Variants in TERF2 observed in about 807,000 individuals in gnomAD.
The protein encoded by TERF2 is telomeric repeat binding factor 2, also known as telomeric repeat-binding factor 2.
In TERF2, 16 loss-of-function variants were observed where a neutral mutation model predicts 56.1. That is an observed-to-expected ratio of 0.29 (90% CI 0.19 to 0.43). TERF2 has a LOEUF of 0.43. Among genes scored for constraint, TERF2 ranks in the 20% least tolerant of loss-of-function variants. TERF2 has a pLI of 1.00. For missense variants in TERF2, 547 were observed against 712.9 expected, an observed-to-expected ratio of 0.77 and a Z score of 2.65; for synonymous variants, 296 against 282.1, an observed-to-expected ratio of 1.05 and a Z score of -0.50.
chr16:69,383,355 T>TAGAA (rs1325210714), intron 3 of TERF2, among the ~76,000 whole-genome samples: 1 of 152,238 alleles, frequency 6.6e-6, no homozygotes, highest in Non-Finnish European at 1.5e-5. Context: ...AAAATGCTTC[T>TAGAA]GTTCCCAAGT....
intron 8 of TERF2, 90 bp downstream of exon 8, chr16:69,361,314 C>A: frequency 1.1e-6 from 1 of 904,020 alleles, no homozygotes; most frequent in South Asian, 1.4e-5. Flanking sequence ...AGTTCGGAGA[C>A]AAGCAGCTTC....
Position 69,370,486 on chromosome 16 carries a change from G to A in TERF2, c.837C>T (p.Leu279=). Residue 279 remains leucine (L), a synonymous_variant, in exon 5 of 10, where the codon CTC becomes CTT. Coordinates refer to ENST00000254942, the MANE Select transcript of TERF2 (RefSeq NM_005652.5). The part of the protein sequence containing the change: ...SHLDDAEPYL[L]TMAKKALKSE... ...TGGGAGAAGGGCCAAGGCGCACCGT[G>A]AGGAGGTAGGGCTCGGCGTCATCCA... 6.2e-7 allele frequency: 1 copy of A among 1,614,180 alleles called. No individual in the cohort carries two copies. Among genetic ancestry groups the A allele is most frequent in the Non-Finnish European group, 8.5e-7 (1 of 1,180,022 alleles).
chr16:69,384,691 C>T lies in TERF2; in HGVS notation c.495G>A (p.Glu165=). ...GENLDCSFDM[E]AELTPLESAI... is the part of the protein sequence containing the mutation. ...CTGATTCCAGTGGTGTGAGCTCAGC[C>T]TCCATATCAAAGGAACAGTCTAGGA... The change falls in exon 3 of 10, where the codon GAG becomes GAA. Residue 165 remains glutamate, a synonymous_variant. Coordinates refer to ENST00000254942, the MANE Select transcript of TERF2 (RefSeq NM_005652.5). 1 of 1,613,982 alleles carries T rather than the reference C, an allele frequency of 6.2e-7. No homozygotes were observed. Among genetic ancestry groups the T allele is most frequent in the East Asian group, 2.2e-5 (1 of 44,874 alleles).
chr16:69,383,267 G>C (rs1177512810), intron 3 of TERF2, among the ~76,000 whole-genome samples: 2 of 152,116 alleles, frequency 1.3e-5, no homozygotes, highest in Non-Finnish European at 2.9e-5. Flanking sequence ...TCAGATTTGA[G>C]GGCATTTGGG....
In TERF2 at chr16:69,356,094, TTCCACAAGGACTGGTCTG is replaced by T. The variant is rs1463177165; in HGVS notation, c.*786_*803del. On this transcript the variant is annotated 3_prime_UTR_variant, in exon 10 of 10. Transcript: ENST00000254942. ...TAAAGAGTTTTTAAAGGGAATCTTA[TTCCACAAGGACTGGTCTG>T]TCATCAACCTGGGTTCATAACAGAC... is the stretch of plus-strand genomic sequence containing the variant. The T allele has an allele frequency of 2.5e-6, 1 of 395,858 alleles. No homozygotes were observed. Among genetic ancestry groups the T allele is most frequent in the African/African-American group, 2.1e-5 (1 of 47,944 alleles). 24.5% of individuals were successfully genotyped at this position (395,858 alleles called of 1,614,324 possible). A position where few individuals can be genotyped will look rare whatever the true frequency, so the allele number is the denominator to read the frequency against.
At position 69,366,510 on chromosome 16, in the gene TERF2, GAAGTC is replaced by G. The variant is rs1288485299; in HGVS notation, c.1340+292_1340+296del. ...TTTTAACACACAAGACTAATGTTTA[GAAGTC>G]AAGACACTCAGATGTTTGCTAAAAA... On this transcript the variant is annotated intron_variant, in intron 7 of 9. Coordinates refer to ENST00000254942, the MANE Select transcript of TERF2 (RefSeq NM_005652.5). The G allele has an allele frequency of 1.1e-5, 4 of 372,642 alleles. No individual in the cohort carries two copies. In the Admixed American group the frequency reaches 1.2e-4, roughly 11 times the overall value. 23.1% of individuals were successfully genotyped at this position (372,642 alleles called of 1,614,324 possible).
At chr16:69,370,321 G>A in intron 5 of TERF2, 162 bp downstream of exon 5, 2 of 1,001,488 alleles carry the variant, frequency 2.0e-6, no homozygotes, top group South Asian at 3.5e-5. Flanking sequence ...GTGAGCCATT[G>A]CGCCTGGCCT....
At chr16:69,363,640 T>C (rs572517698) in intron 7 of TERF2, among the ~76,000 whole-genome samples, 1 of 152,240 alleles carries the variant, frequency 6.6e-6, no homozygotes, top group Admixed American at 6.5e-5. Flanking sequence ...GGGGTGAGAA[T>C]GGCAAGCCCG....
intron 8 of TERF2, 47 bp from the exon 9 acceptor site, chr16:69,357,608 G>C (rs1334649894): frequency 5.0e-6 from 8 of 1,597,184 alleles, no homozygotes; most frequent in Non-Finnish European, 8.5e-7. Flanking sequence ...ACCTTTCTCT[G>C]CACAAACCAC....
chr16:69,384,806 T>A, intron 2 of TERF2, 96 bp from the exon 3 acceptor site: 2 of 1,143,510 alleles, frequency 1.7e-6, no homozygotes, highest in Non-Finnish European at 2.3e-6. Flanking sequence ...AAATGGAGCA[T>A]GCAAATATGG....
intron 3 of TERF2, among the ~76,000 whole-genome samples, chr16:69,383,308 ACTAAATTTAATGC>A (rs2014072266): frequency 6.6e-6 from 1 of 152,224 alleles, no homozygotes; most frequent in African/African-American, 2.4e-5. Context: ...GGATGCTCAA[ACTAAATTTAATGC>A]AAATATTCCA....
intron 3 of TERF2, among the ~76,000 whole-genome samples, chr16:69,381,516 T>C (rs1238188168): frequency 1.3e-5 from 2 of 152,046 alleles, no homozygotes; most frequent in Non-Finnish European, 2.9e-5. Flanking sequence ...GTCTTCACTC[T>C]GTCGTCCAGG....
At chr16:69,368,172 G>A (rs1006482124) in intron 6 of TERF2, among the ~76,000 whole-genome samples, 2 of 152,224 alleles carry the variant, frequency 1.3e-5, no homozygotes, top group African/African-American at 4.8e-5. Context: ...GGAATGGCCA[G>A]TCAGGAAGTT....
intron 3 of TERF2, among the ~76,000 whole-genome samples, chr16:69,380,167 C>T (rs1307463418): frequency 6.6e-6 from 1 of 151,990 alleles, no homozygotes; most frequent in Non-Finnish European, 1.5e-5. Flanking sequence ...CCCGTCTTAG[C>T]CTCCCAAAGT....
intron 3 of TERF2, among the ~76,000 whole-genome samples, chr16:69,373,310 T>C (rs762354365): frequency 1.7e-4 from 25 of 150,764 alleles, no homozygotes; most frequent in Non-Finnish European, 3.7e-4. Flanking sequence ...AGAGAGAAAG[T>C]AGAGTCCTTC....
intron 8 of TERF2, 165 bp downstream of exon 8, chr16:69,361,238 GA>G (rs375985765): frequency 0.036 from 19,164 of 529,566 alleles, 4 homozygotes; most frequent in East Asian, 0.042. Context: ...TCTGAAAAAG[GA>G]AAAAAAAAAA....
At position 69,385,794 on chromosome 16, in the gene TERF2, G is replaced by T; in HGVS notation, c.178C>A (p.Arg60=). ...SDGSGRAAGR[R]ASRSSGRARR... is the part of the protein sequence containing the mutation. Reference sequence around the variant, plus strand: ...GCCCGCCCGCTACTGCGGGACGCCCGCCTGCCAGCTGCCCGCCCGCTGCCG... The same window carrying T: ...GCCCGCCCGCTACTGCGGGACGCCCTCCTGCCAGCTGCCCGCCCGCTGCCG... Residue 60 remains arginine (R), a synonymous_variant, in exon 1 of 10, where the codon CGG becomes AGG. Transcript: ENST00000254942. 1 of 1,294,258 alleles carries T rather than the reference G, an allele frequency of 7.7e-7. No individual in the cohort carries two copies. Among genetic ancestry groups the T allele is most frequent in the Non-Finnish European group, 9.8e-7 (1 of 1,021,846 alleles). 80.2% of individuals were successfully genotyped at this position (1,294,258 alleles called of 1,614,324 possible). A position where few individuals can be genotyped will look rare whatever the true frequency, so the allele number is the denominator to read the frequency against.
chr16:69,385,458 C>G lies in TERF2; in HGVS notation c.408G>C (p.Glu136Asp), dbSNP rs2014159587. The change falls in exon 2 of 10, where the codon GAG (glutamate) becomes GAC (aspartate). Residue 136 changes from glutamate (E) to aspartate (D), a missense_variant. By Grantham distance (45) the Glu-to-Asp change is conservative. Transcript: ENST00000254942. ...CCCGCAGCAATCGGGACACGGTGTGCTCCTTCCCCAAGGGCCTGACAAGCA... is the reference window on the plus strand; with the variant it reads ...CCCGCAGCAATCGGGACACGGTGTGGTCCTTCCCCAAGGGCCTGACAAGCA... Reference protein sequence around the residue: ...QALLVRPLGKEHTVSRLLRVM... With the variant: ...QALLVRPLGKDHTVSRLLRVM... 6.2e-7 allele frequency: 1 copy of G among 1,614,010 alleles called. No individual in the cohort carries two copies. Among genetic ancestry groups the G allele is most frequent in the Admixed American group, 1.7e-5 (1 of 60,006 alleles).
Position 69,377,209 on chromosome 16 carries a change from A to G in TERF2, c.607-4854T>C, listed in dbSNP as rs192245246. Among the ~76,000 whole-genome samples the G allele has an allele frequency of 1.7e-4, 26 of 152,050 alleles. 1 individual carries two copies. The highest frequency in any genetic ancestry group is 4.6e-4 in the African/African-American group (19 of 41,412). On this transcript the variant is annotated intron_variant, in intron 3 of 9. Coordinates refer to ENST00000254942, the MANE Select transcript of TERF2 (RefSeq NM_005652.5). The stretch of plus-strand genomic sequence containing the variant: ...CAGAGCAAGACTCCATCTCAAAAAA[A>G]AAAAAAAGAAAAAATCCTGTTGAGA...
Sources: gnomAD v4.1 joint callset for allele counts (sites outside exome capture counted in the v4.1 genomes callset) on GRCh38, gnomAD v4.1.1 for gene constraint, MANE v1.5 for transcripts, NCBI Gene and HGNC (gene_info 2026-07-23, HGNC 2026-07-21) for gene names.